The following C12orf42 variants were observed in gnomAD, a reference collection of about 807,000 sequenced individuals.
C12orf42 encodes the protein uncharacterized protein C12orf42.
Under a neutral mutation model 21.6 loss-of-function variants are expected in C12orf42, and 25 were observed. That is an observed-to-expected ratio of 1.16 (90% CI 0.84 to 1.62). C12orf42 has a LOEUF of 1.62. Ranked by LOEUF, C12orf42 falls within the 40% of genes most tolerant of loss-of-function variation. C12orf42 has a pLI of 0.00. For missense variants in C12orf42, 483 were observed against 459.3 expected (o/e 1.05, Z -0.47); for synonymous variants, 174 against 175.0 (o/e 0.99, Z 0.05).
At chr12:103,500,133 T>C (rs1189814298), upstream of C12orf42, among the ~76,000 whole-genome samples, 2 of 152,214 alleles carry the variant, frequency 1.3e-5, no homozygotes, top group Middle Eastern at 3.2e-3. Context: ...CAAAAGTTTA[T>C]GAAAAAACAC....
the C12orf42 span, among the ~76,000 whole-genome samples, chr12:103,508,431 T>C: frequency 6.7e-6 from 1 of 148,388 alleles, no homozygotes; most frequent in Non-Finnish European, 1.5e-5. Context: ...TTTCATGGTA[T>C]GCTTCCAAAT....
the C12orf42 span, among the ~76,000 whole-genome samples, chr12:103,528,094 A>G: frequency 1.3e-5 from 2 of 152,228 alleles, no homozygotes; most frequent in Non-Finnish European, 2.9e-5. Flanking sequence ...GGCTTACTAT[A>G]GGCATGTAAT....
At chr12:103,468,749 A>G (rs1953344754) in intron 2 of C12orf42, among the ~76,000 whole-genome samples, 9 of 152,178 alleles carry the variant, frequency 5.9e-5, no homozygotes, top group Admixed American at 5.9e-4. Context: ...GGGTCGATGA[A>G]TTCACCCAAG....
chr12:103,325,433 C>G (rs775318693), intron 4 of C12orf42, among the ~76,000 whole-genome samples: 2 of 152,218 alleles, frequency 1.3e-5, no homozygotes, highest in African/African-American at 2.4e-5. Context: ...TACAGGTTCT[C>G]TCTCACATCA....
the C12orf42 span, among the ~76,000 whole-genome samples, chr12:103,228,797 TC>T: frequency 4.6e-5 from 7 of 151,954 alleles, no homozygotes; most frequent in South Asian, 1.5e-3. Context: ...CATGCAGATG[TC>T]CCACATCAAG....
chr12:103,112,119 C>T, the C12orf42 span, among the ~76,000 whole-genome samples: 1 of 152,154 alleles, frequency 6.6e-6, no homozygotes, highest in Non-Finnish European at 1.5e-5. Flanking sequence ...ATGGGATCCA[C>T]AGGGTTGTGT....
intron 4 of C12orf42, among the ~76,000 whole-genome samples, chr12:103,293,012 T>C (rs766835162): frequency 1.3e-5 from 2 of 152,070 alleles, no homozygotes; most frequent in Non-Finnish European, 2.9e-5. Context: ...TTGAAGTGAA[T>C]TCAATGAAAA....
chr12:103,494,266 C>A (rs967393412), intron 1 of C12orf42, among the ~76,000 whole-genome samples: 3 of 152,150 alleles, frequency 2.0e-5, no homozygotes, highest in Non-Finnish European at 4.4e-5. Flanking sequence ...GTGAAGAGTT[C>A]TTTCTTTGCC....
the C12orf42 span, among the ~76,000 whole-genome samples, chr12:103,185,478 T>C: frequency 6.9e-6 from 1 of 144,632 alleles, no homozygotes; most frequent in Non-Finnish European, 1.6e-5. Context: ...TTTCCCTTCC[T>C]TCCTTCCTTC....
chr12:103,113,802 A>T, the C12orf42 span, among the ~76,000 whole-genome samples: 1 of 152,214 alleles, frequency 6.6e-6, no homozygotes, highest in African/African-American at 2.4e-5. Flanking sequence ...AATACTGTGG[A>T]ATTCTTCCAA....
intron 2 of C12orf42, among the ~76,000 whole-genome samples, chr12:103,444,274 C>A (rs1410127679): frequency 6.6e-6 from 1 of 151,822 alleles, no homozygotes; most frequent in African/African-American, 2.4e-5. Flanking sequence ...TTCCCTGAGC[C>A]CCACGTGGGA....
chr12:103,372,952 A>G (rs954578009), intron 3 of C12orf42, among the ~76,000 whole-genome samples: 3 of 152,196 alleles, frequency 2.0e-5, no homozygotes, highest in African/African-American at 7.2e-5. Flanking sequence ...TGATTTACTG[A>G]AGTGAAAAAG....
chr12:103,425,014 C>T (rs1204947173), intron 2 of C12orf42, among the ~76,000 whole-genome samples: 1 of 152,146 alleles, frequency 6.6e-6, no homozygotes, highest in Non-Finnish European at 1.5e-5. Context: ...GGGTGTCCGT[C>T]ATTACTGAGG....
At chr12:103,076,545 G>A in the C12orf42 span, among the ~76,000 whole-genome samples, 5 of 152,106 alleles carry the variant, frequency 3.3e-5, no homozygotes, top group Admixed American at 6.5e-5. Context: ...TTACAAAGTC[G>A]CAAGGGGGAC....
At chr12:103,078,605 G>A in the C12orf42 span, among the ~76,000 whole-genome samples, 290 of 152,270 alleles carry the variant, frequency 1.9e-3, no homozygotes, top group Middle Eastern at 3.4e-3. Context: ...TTCATATAGT[G>A]GATCTATGGT....
chr12:103,137,750 T>C, the C12orf42 span, among the ~76,000 whole-genome samples: 1 of 152,176 alleles, frequency 6.6e-6, no homozygotes, highest in African/African-American at 2.4e-5. Flanking sequence ...GGCGTTGTGT[T>C]CATTGAAATA....
intron 3 of C12orf42, among the ~76,000 whole-genome samples, chr12:103,382,234 G>C (rs1294184109): frequency 1.3e-5 from 2 of 152,070 alleles, no homozygotes; most frequent in Admixed American, 6.5e-5. Context: ...CAAATGACTA[G>C]AATAGAAAAT....
the C12orf42 span, among the ~76,000 whole-genome samples, chr12:103,197,318 C>G: frequency 6.6e-6 from 1 of 152,254 alleles, no homozygotes; most frequent in South Asian, 2.1e-4. Context: ...TGGTGGGGAT[C>G]TGAGATTCTT....
chr12:103,230,608 A>T, the C12orf42 span, among the ~76,000 whole-genome samples: 1 of 152,222 alleles, frequency 6.6e-6, no homozygotes, highest in Non-Finnish European at 1.5e-5. Context: ...GCCACATTTG[A>T]CAAGGCCTCT....
Sources: gnomAD v4.1 joint callset for allele counts (sites outside exome capture counted in the v4.1 genomes callset) on GRCh38, gnomAD v4.1.1 for gene constraint, MANE v1.5 for transcripts, NCBI Gene and HGNC (gene_info 2026-07-23, HGNC 2026-07-21) for gene names.